The following DYNC1I1 variants were observed in gnomAD, a reference collection of about 807,000 sequenced individuals.
DYNC1I1 encodes dynein cytoplasmic 1 intermediate chain 1.
DYNC1I1 carries 43 observed loss-of-function variants against 86.6 expected under a neutral mutation model. The observed-to-expected ratio is 0.50, with a 90% CI of 0.39 to 0.64. The LOEUF (loss-of-function observed/expected upper bound fraction) is 0.64, where lower values mean the gene tolerates loss of function less well. Ranked by LOEUF, DYNC1I1 falls within the 30% of genes least tolerant of loss-of-function variation. The probability of loss-of-function intolerance (pLI) is 0.00; values close to 1 mark genes in which losing one functional copy is unlikely to be tolerated. For synonymous variants in DYNC1I1, 262 were observed against 283.7 expected (o/e 0.92, Z 0.77); for missense variants, 604 against 788.8 (o/e 0.77, Z 2.81).
chr7:95,876,524 A>G (rs1790312989), intron 6 of DYNC1I1, among the ~76,000 whole-genome samples: 2 of 146,890 alleles, frequency 1.4e-5, no homozygotes, highest in South Asian at 4.4e-4. Context: ...TCAAATTCTA[A>G]TCTCTCTACT....
At chr7:96,028,703 A>G (rs1794739640) in intron 11 of DYNC1I1, among the ~76,000 whole-genome samples, 1 of 152,230 alleles carries the variant, frequency 6.6e-6, no homozygotes, top group South Asian at 2.1e-4. Flanking sequence ...TCAAGGGATG[A>G]TATATGGGAC....
At chr7:95,778,873 C>T (rs984311061) in intron 1 of DYNC1I1, among the ~76,000 whole-genome samples, 30 of 151,994 alleles carry the variant, frequency 2.0e-4, no homozygotes, top group African/African-American at 7.2e-4. Flanking sequence ...CTGTGTTGCC[C>T]AGGCTGGTCT....
intron 6 of DYNC1I1, among the ~76,000 whole-genome samples, chr7:95,887,070 C>T (rs369214247): frequency 2.0e-5 from 3 of 152,182 alleles, no homozygotes; most frequent in Admixed American, 1.3e-4. Context: ...GTCCTCTACT[C>T]AGCCAGTCTC....
chr7:96,082,868 G>A (rs1790565202), intron 16 of DYNC1I1, among the ~76,000 whole-genome samples: 1 of 152,056 alleles, frequency 6.6e-6, no homozygotes, highest in Non-Finnish European at 1.5e-5. Context: ...GTAAAGTGTT[G>A]TTATACTCAT....
chr7:95,995,172 C>T lies in DYNC1I1; in HGVS notation c.844-776C>T, dbSNP rs140884657. On this transcript the variant is annotated intron_variant, in intron 9 of 16. Coordinates refer to ENST00000447467, the MANE Select transcript of DYNC1I1 (RefSeq NM_001135556.2). ...TGAGGCAGGAGAATGGCGTGAACCC[C>T]TGAGGTGGAGCTTGTAGTGAGCCAA... Among the ~76,000 whole-genome samples, 4 of 152,078 alleles carry T rather than the reference C, an allele frequency of 2.6e-5. No homozygotes were observed. In the East Asian group the frequency reaches 7.8e-4, roughly 30 times the overall value.
chr7:96,095,825 A>C (rs925325050), intron 16 of DYNC1I1, among the ~76,000 whole-genome samples: 1 of 152,142 alleles, frequency 6.6e-6, no homozygotes, highest in African/African-American at 2.4e-5. Context: ...ATTTTCTAAA[A>C]TTGAAGAAAA....
At chr7:95,876,064 G>A (rs768299414) in intron 6 of DYNC1I1, among the ~76,000 whole-genome samples, 5 of 152,058 alleles carry the variant, frequency 3.3e-5, no homozygotes, top group Non-Finnish European at 7.4e-5. Flanking sequence ...TCACCCCCAG[G>A]GAGGCTCAGA....
rs1281194431 is a variant in DYNC1I1, at chr7:96,076,189, G to C, written c.1642G>C (p.Asp548His). ...CTTGGACCTCTGGAACCTCAACAATGACACCGAGGTGAGCGGCGGCTCAGG... is the reference window on the plus strand; with the variant it reads ...CTTGGACCTCTGGAACCTCAACAATCACACCGAGGTGAGCGGCGGCTCAGG... Reference protein sequence around the residue: ...GRLDLWNLNNDTEVPTASVAI... With the variant: ...GRLDLWNLNNHTEVPTASVAI... Residue 548 changes from aspartate to histidine, a missense_variant, in exon 15 of 17, where the codon GAC (aspartate) becomes CAC (histidine). Transcript: ENST00000447467. 1 of 1,614,090 alleles carries C rather than the reference G, an allele frequency of 6.2e-7. No homozygotes were observed. The highest frequency in any genetic ancestry group is 1.7e-5 in the Admixed American group (1 of 60,024).
At position 96,028,058 on chromosome 7, in the gene DYNC1I1, AT is replaced by A. The variant is rs1219273019; in HGVS notation, c.970-110del. ...ACTTTTACAGTCCCAGCTTTAAATTATTTTTTTGTTTTCCAGGATGTGTTGA... is the reference window on the plus strand; with the variant it reads ...ACTTTTACAGTCCCAGCTTTAAATTATTTTTTGTTTTCCAGGATGTGTTGA... On this transcript the variant is annotated intron_variant, in intron 10 of 16. Coordinates refer to ENST00000447467, the MANE Select transcript of DYNC1I1 (RefSeq NM_001135556.2). The A allele has an allele frequency of 7.9e-6, 11 of 1,389,734 alleles. No individual in the cohort carries two copies. The Admixed American group carries it at 1.1e-4, about 13-fold the overall frequency. The allele number at this position is 1,389,734 out of a possible 1,614,324, so 86.1% of individuals were successfully genotyped here. A position where few individuals can be genotyped will look rare whatever the true frequency, so the allele number is the denominator to read the frequency against.
chr7:96,088,329 A>T (rs1054352332), intron 16 of DYNC1I1, among the ~76,000 whole-genome samples: 27 of 152,302 alleles, frequency 1.8e-4, no homozygotes, highest in African/African-American at 6.0e-4. Context: ...TAATTTCAAA[A>T]TTCAATGAAG....
intron 10 of DYNC1I1, among the ~76,000 whole-genome samples, chr7:96,014,530 G>T (rs1213995173): frequency 1.3e-5 from 2 of 152,138 alleles, no homozygotes; most frequent in Non-Finnish European, 1.5e-5. Flanking sequence ...TATTTGGCTG[G>T]TCTCACTGTT....
rs1414884092 is a variant in DYNC1I1, at chr7:96,009,254, C to T, written c.969+13181C>T. 2.0e-5 allele frequency among the ~76,000 whole-genome samples: 3 copies of T among 152,300 alleles called. No individual in the cohort carries two copies. In the East Asian group the frequency reaches 5.8e-4, roughly 29 times the overall value. On this transcript the variant is annotated intron_variant, in intron 10 of 16. Coordinates refer to ENST00000447467, the MANE Select transcript of DYNC1I1 (RefSeq NM_001135556.2). ...GCAAATGTGTTCATGAATAAGGTTC[C>T]AATGACTGCCCGTGAAGCTAAAAGC...
chr7:95,901,011 A>C (rs1791024155), intron 6 of DYNC1I1, among the ~76,000 whole-genome samples: 1 of 152,174 alleles, frequency 6.6e-6, no homozygotes, highest in African/African-American at 2.4e-5. Flanking sequence ...AGGAAGAAAA[A>C]ATAAAGTGTG....
At chr7:95,866,444 A>G (rs113849238) in intron 5 of DYNC1I1, among the ~76,000 whole-genome samples, 68 of 152,328 alleles carry the variant, frequency 4.5e-4, no homozygotes, top group African/African-American at 1.4e-3. Flanking sequence ...TTTTAAGTAC[A>G]TGGCCCTGGG....
chr7:95,993,996 A>T (rs1018823330), intron 9 of DYNC1I1, among the ~76,000 whole-genome samples: 6 of 152,150 alleles, frequency 3.9e-5, no homozygotes, highest in African/African-American at 9.6e-5. Flanking sequence ...TATGAGATTT[A>T]TCCTCAGTTT....
At chr7:95,840,430 A>T (rs1452599209) in intron 5 of DYNC1I1, among the ~76,000 whole-genome samples, 1 of 152,016 alleles carries the variant, frequency 6.6e-6, no homozygotes, top group Non-Finnish European at 1.5e-5. Context: ...TGGTATTTTT[A>T]AATATTTTCT....
At chr7:95,836,197 G>A (rs1437390690) in intron 5 of DYNC1I1, among the ~76,000 whole-genome samples, 4 of 151,934 alleles carry the variant, frequency 2.6e-5, no homozygotes, top group African/African-American at 9.7e-5. Flanking sequence ...GCATTTGCTT[G>A]TCTGTAAAGT....
At chr7:95,933,108 C>T (rs1296045144) in intron 6 of DYNC1I1, among the ~76,000 whole-genome samples, 1 of 152,084 alleles carries the variant, frequency 6.6e-6, no homozygotes, top group African/African-American at 2.4e-5. Context: ...GTCTCAAAAT[C>T]CTGTCCTCAA....
intron 5 of DYNC1I1, among the ~76,000 whole-genome samples, chr7:95,866,743 T>C (rs1790026767): frequency 6.6e-6 from 1 of 152,188 alleles, no homozygotes; most frequent in Admixed American, 6.5e-5. Flanking sequence ...ACCAGTACCC[T>C]CTAAGAAGTG....
Sources: gnomAD v4.1 joint callset for allele counts (sites outside exome capture counted in the v4.1 genomes callset) on GRCh38, gnomAD v4.1.1 for gene constraint, MANE v1.5 for transcripts, NCBI Gene and HGNC (gene_info 2026-07-23, HGNC 2026-07-21) for gene names.